Variants in MYLK observed in about 807,000 individuals in gnomAD.
MYLK encodes the protein myosin light chain kinase, smooth muscle.
A neutral mutation model predicts 203.4 loss-of-function variants in MYLK; 106 were observed. The ratio of observed to expected loss-of-function variants is 0.52; its 90% CI spans 0.45 to 0.61. The LOEUF is 0.61. Ranked by LOEUF, MYLK falls within the 20% of genes least tolerant of loss-of-function variation. The pLI is 0.00. For missense variants in MYLK, 2,072 were observed against 2,442.3 expected, an observed-to-expected ratio of 0.85 and a Z score of 3.20; for synonymous variants, 867 against 959.5, an observed-to-expected ratio of 0.90 and a Z score of 1.78.
intron 19 of MYLK, among the ~76,000 whole-genome samples, chr3:123,683,989 A>G (rs1248251286): frequency 6.6e-6 from 1 of 152,188 alleles, no homozygotes; most frequent in Non-Finnish European, 1.5e-5. Context: ...TAAGCTCCTC[A>G]GGAGGCTGCC....
chr3:123,858,351 C>G (rs1032273680), intron 2 of MYLK, among the ~76,000 whole-genome samples: 1 of 152,170 alleles, frequency 6.6e-6, no homozygotes, highest in African/African-American at 2.4e-5. Context: ...CCCTTTGTCT[C>G]TTAGGTCCCC....
chr3:123,709,625 G>A, intron 14 of MYLK, 131 bp downstream of exon 14: 3 of 1,171,702 alleles, frequency 2.6e-6, no homozygotes, highest in Non-Finnish European at 3.8e-6. Context: ...CATTTCTTTG[G>A]GTCCATCACC....
intron 3 of MYLK, among the ~76,000 whole-genome samples, chr3:123,817,275 C>A (rs1380646201): frequency 6.6e-6 from 1 of 152,164 alleles, no homozygotes; most frequent in African/African-American, 2.4e-5. Flanking sequence ...AAATGAGATT[C>A]TTTTAAAGAT....
chr3:123,668,353 G>A (rs1416137532), intron 20 of MYLK, among the ~76,000 whole-genome samples: 1 of 152,200 alleles, frequency 6.6e-6, no homozygotes, highest in Non-Finnish European at 1.5e-5. Context: ...CTGATACACA[G>A]AACATGGATG....
chr3:123,770,830 T>C (rs574319401), intron 4 of MYLK, among the ~76,000 whole-genome samples: 7 of 152,332 alleles, frequency 4.6e-5, no homozygotes, highest in African/African-American at 1.7e-4. Flanking sequence ...AATCGGTCCA[T>C]AATTCTCCAG....
chr3:123,706,530 T>G (rs543895777), intron 16 of MYLK, among the ~76,000 whole-genome samples: 3 of 152,096 alleles, frequency 2.0e-5, no homozygotes, highest in African/African-American at 4.8e-5. Flanking sequence ...GTAGGTTAGG[T>G]GCAAACAAAT....
intron 2 of MYLK, among the ~76,000 whole-genome samples, chr3:123,868,826 T>G (rs571732832): frequency 6.6e-6 from 1 of 152,228 alleles, no homozygotes; most frequent in African/African-American, 2.4e-5. Flanking sequence ...ATATTTTATG[T>G]GGCAGGCCTA....
intron 28 of MYLK, among the ~76,000 whole-genome samples, chr3:123,639,262 C>T (rs1004763761): frequency 1.3e-5 from 2 of 152,224 alleles, no homozygotes; most frequent in African/African-American, 4.8e-5. Flanking sequence ...CGCCCAGCGC[C>T]GAGGCATGTT....
At chr3:123,752,584 C>T (rs1337337107) in intron 4 of MYLK, 46 bp from the exon 5 acceptor site, 2 of 1,547,244 alleles carry the variant, frequency 1.3e-6, no homozygotes, top group Admixed American at 1.8e-5. Flanking sequence ...TTCATGAGTA[C>T]TCTCTCTGTG....
intron 24 of MYLK, among the ~76,000 whole-genome samples, chr3:123,653,545 C>CT (rs896004618): frequency 3.1e-4 from 47 of 152,246 alleles, no homozygotes; most frequent in African/African-American, 1.1e-3. Flanking sequence ...CAACATTGCC[C>CT]TTTGTCTATT....
In MYLK at chr3:123,752,398, T is replaced by G; in HGVS notation, c.306A>C (p.Gly102=). Residue 102 remains glycine (G), a synonymous_variant, in exon 5 of 34, where the codon GGA becomes GGC. Coordinates refer to ENST00000360304, the MANE Select transcript of MYLK (RefSeq NM_053025.4). ...CATTGGTGGCTTCACAGGTATACTT[T>G]CCCCTGTCCTCCTCATGGACAGCAT... ...VIHAVHEEDR[G]KYTCEATNGS... 6.2e-7 allele frequency: 1 copy of G among 1,614,168 alleles called. No homozygotes were observed. Among genetic ancestry groups the G allele is most frequent in the Non-Finnish European group, 8.5e-7 (1 of 1,180,028 alleles).
chr3:123,869,425 C>G (rs1284285992), intron 2 of MYLK, among the ~76,000 whole-genome samples: 2 of 152,140 alleles, frequency 1.3e-5, no homozygotes, highest in Admixed American at 6.5e-5. Context: ...CCCAGTGAAC[C>G]TGGCTGAACA....
intron 28 of MYLK, among the ~76,000 whole-genome samples, chr3:123,639,669 G>C (rs2058764618): frequency 6.6e-6 from 1 of 152,176 alleles, no homozygotes; most frequent in South Asian, 2.1e-4. Flanking sequence ...GCTAGCATAA[G>C]AATCAGAGGT....
At chr3:123,794,887 A>C (rs376984601) in intron 3 of MYLK, among the ~76,000 whole-genome samples, 9 of 152,296 alleles carry the variant, frequency 5.9e-5, no homozygotes, top group African/African-American at 2.2e-4. Context: ...CATTTGTTTT[A>C]ATCCTCAGAA....
intron 3 of MYLK, among the ~76,000 whole-genome samples, chr3:123,821,225 T>C (rs965788016): frequency 6.6e-6 from 1 of 152,206 alleles, no homozygotes; most frequent in Non-Finnish European, 1.5e-5. Context: ...TCTTTTTTTA[T>C]ATTTTGGGTT....
Position 123,738,799 on chromosome 3 carries a change from T to C in MYLK, c.588+98A>G, listed in dbSNP as rs908797075. 9 of 1,490,414 alleles carry C rather than the reference T, an allele frequency of 6.0e-6. No individual in the cohort carries two copies. The African/African-American group carries it at 1.2e-4, about 21-fold the overall frequency. The allele number at this position is 1,490,414 out of a possible 1,614,324, so 92.3% of individuals were successfully genotyped here. ...TGGAACGGTGAGTCCATTAAACCTC[T>C]TTCCTTCATAAATTACCCAGTCTCG... On this transcript the variant is annotated intron_variant, in intron 7 of 33. Transcript: ENST00000360304.
chr3:123,746,559 G>C (rs1048629699), intron 5 of MYLK, among the ~76,000 whole-genome samples: 11 of 152,208 alleles, frequency 7.2e-5, no homozygotes, highest in African/African-American at 2.4e-4. Context: ...AGAGATTCCA[G>C]CTAAAGGAAA....
In MYLK at chr3:123,667,126, T is replaced by C. The variant is rs759628673; in HGVS notation, c.3703+11A>G. 1 of 1,613,708 alleles carries C rather than the reference T, an allele frequency of 6.2e-7. No individual in the cohort carries two copies. The highest frequency in any genetic ancestry group is 8.5e-7 in the Non-Finnish European group (1 of 1,179,608). ...ACTTCTTTGACCCCAGATAGTGCCGTGGCCAATTACCTGCCTTCGGAGGTG... is the reference window on the plus strand; with the variant it reads ...ACTTCTTTGACCCCAGATAGTGCCGCGGCCAATTACCTGCCTTCGGAGGTG... On this transcript the variant is annotated intron_variant, in intron 21 of 33. Transcript: ENST00000360304.
chr3:123,757,146 A>G (rs1336351541), intron 4 of MYLK, among the ~76,000 whole-genome samples: 2 of 152,180 alleles, frequency 1.3e-5, no homozygotes, highest in African/African-American at 4.8e-5. Context: ...TTACTTAATG[A>G]CTAAAAGCAA....
Sources: gnomAD v4.1 joint callset for allele counts (sites outside exome capture counted in the v4.1 genomes callset) on GRCh38, gnomAD v4.1.1 for gene constraint, MANE v1.5 for transcripts, NCBI Gene and HGNC (gene_info 2026-07-23, HGNC 2026-07-21) for gene names.